The following STK3 variants were observed in gnomAD, a reference collection of about 807,000 sequenced individuals.
The protein encoded by STK3 is serine/threonine kinase 3, also known as serine/threonine-protein kinase 3.
A neutral mutation model predicts 58.0 loss-of-function variants in STK3; 41 were observed. The ratio of observed to expected loss-of-function variants is 0.71; its 90% confidence interval spans 0.55 to 0.92. The LOEUF (loss-of-function observed/expected upper bound fraction) is 0.92. Among genes scored for constraint, STK3 ranks in the 40% least tolerant of loss-of-function variants. The pLI is 0.00. For synonymous variants in STK3, 170 were observed against 191.0 expected (o/e 0.89, Z 0.91); for missense variants, 479 against 602.7 (o/e 0.79, Z 2.15).
chr8:98,497,537 A>G (rs1196165742), intron 10 of STK3, among the ~76,000 whole-genome samples: 3 of 152,204 alleles, frequency 2.0e-5, no homozygotes, highest in African/African-American at 7.2e-5. Flanking sequence ...ATAGTTGCAA[A>G]TAAAATATCT....
chr8:98,797,277 C>T (rs2131607159), intron 1 of STK3, among the ~76,000 whole-genome samples: 2 of 152,254 alleles, frequency 1.3e-5, no homozygotes, highest in Middle Eastern at 6.8e-3. Flanking sequence ...TTCTACTTGC[C>T]CATCAGAAAC....
intron 4 of STK3, among the ~76,000 whole-genome samples, chr8:98,710,873 A>G (rs1826362091): frequency 6.6e-6 from 1 of 152,164 alleles, no homozygotes; most frequent in Non-Finnish European, 1.5e-5. Flanking sequence ...AAGTAGCCTA[A>G]CTGGGAGGCA....
At chr8:98,441,722 C>A (rs1818703377) in intron 1 of STK3, among the ~76,000 whole-genome samples, 1 of 152,212 alleles carries the variant, frequency 6.6e-6, no homozygotes, top group Non-Finnish European at 1.5e-5. Context: ...TGTCTCCCCT[C>A]TTGGCTTCCA....
chr8:98,580,391 C>T (rs1194328912), intron 7 of STK3, among the ~76,000 whole-genome samples: 1 of 152,138 alleles, frequency 6.6e-6, no homozygotes, highest in Non-Finnish European at 1.5e-5. Flanking sequence ...AATAGCTAAG[C>T]TCTCTATCAT....
intron 3 of STK3, among the ~76,000 whole-genome samples, chr8:98,416,625 A>G (rs1229890824): frequency 6.6e-6 from 1 of 152,100 alleles, no homozygotes. Flanking sequence ...TTTCCAAGTC[A>G]CAGAGCTTTC....
intron 6 of STK3, among the ~76,000 whole-genome samples, chr8:98,642,641 C>T (rs1317894235): frequency 6.6e-6 from 1 of 152,078 alleles, no homozygotes; most frequent in Non-Finnish European, 1.5e-5. Flanking sequence ...CTGCCCACTC[C>T]CATAAAGAAT....
chr8:98,889,910 G>T (rs1305145489), intron 1 of STK3: 1 of 152,182 alleles, frequency 6.6e-6, no homozygotes, highest in Non-Finnish European at 1.5e-5. Context: ...AATCTATCAA[G>T]AAAGAAGGCA....
At chr8:98,772,626 G>C (rs1831389241) in intron 2 of STK3, among the ~76,000 whole-genome samples, 1 of 152,112 alleles carries the variant, frequency 6.6e-6, no homozygotes, top group South Asian at 2.1e-4. Flanking sequence ...TTGAACCCGG[G>C]AGAAGGATGC....
At chr8:98,584,203 T>C (rs908714482) in intron 7 of STK3, among the ~76,000 whole-genome samples, 3 of 152,116 alleles carry the variant, frequency 2.0e-5, no homozygotes, top group African/African-American at 7.2e-5. Context: ...ACCCACTAAC[T>C]TGTCATCTAG....
chr8:98,440,567 G>A (rs1318210058), intron 1 of STK3, among the ~76,000 whole-genome samples: 1 of 46,288 alleles, frequency 2.2e-5, no homozygotes, highest in African/African-American at 7.8e-5. Flanking sequence ...ATAAGCACGT[G>A]TGTGTGTGTG....
chr8:98,409,886 G>A (rs1202584691), intron 3 of STK3, among the ~76,000 whole-genome samples: 1 of 152,138 alleles, frequency 6.6e-6, no homozygotes, highest in Non-Finnish European at 1.5e-5. Context: ...ACCCTCGTTG[G>A]TCCCTTCCTC....
chr8:98,819,113 G>A (rs1027872244), intron 1 of STK3, among the ~76,000 whole-genome samples: 3 of 151,996 alleles, frequency 2.0e-5, no homozygotes, highest in Non-Finnish European at 2.9e-5. Context: ...GTGAGCCACC[G>A]TGCCCAGCCC....
intron 3 of STK3, among the ~76,000 whole-genome samples, chr8:98,750,054 C>T (rs1037705920): frequency 1.3e-5 from 2 of 151,990 alleles, no homozygotes; most frequent in South Asian, 4.1e-4. Context: ...AGAAATCTAA[C>T]CTATCTCAAA....
At chr8:98,724,919 A>G (rs1352945895) in intron 4 of STK3, among the ~76,000 whole-genome samples, 13 of 152,188 alleles carry the variant, frequency 8.5e-5, no homozygotes, top group African/African-American at 4.8e-5. Flanking sequence ...CTAAAGAATC[A>G]TATATTGCTT....
rs968206791 is a variant in STK3, at chr8:98,942,068, C to T, written c.-79+310G>A. Among the ~76,000 whole-genome samples, 7 of 152,356 alleles carry T rather than the reference C, an allele frequency of 4.6e-5. No homozygotes were observed. The East Asian group carries it at 1.4e-3, about 29-fold the overall frequency. ...CGTGGCCTTTCTGCGCCGAGGGCTG[C>T]TGGGGGCGGGCGGCGAGCCTGGCGG... On this transcript the variant is annotated intron_variant, in intron 1 of 1. Coordinates refer to the STK3 transcript ENST00000519420.
At chr8:98,411,030 G>T (rs190534002) in intron 3 of STK3, among the ~76,000 whole-genome samples, 119 of 152,264 alleles carry the variant, frequency 7.8e-4, no homozygotes, top group African/African-American at 2.8e-3. Flanking sequence ...TGACCAATTG[G>T]TTTCAACACT....
chr8:98,738,081 T>C (rs951854548), intron 4 of STK3, among the ~76,000 whole-genome samples: 1 of 152,248 alleles, frequency 6.6e-6, no homozygotes, highest in Non-Finnish European at 1.5e-5. Context: ...AGATATTCTA[T>C]GATCATGCAT....
In STK3 at chr8:98,548,099, C is replaced by T. The variant is rs374974168; in HGVS notation, c.1011G>A (p.Met337Ile). ...VKTSVESVGT[M>I]RATSTMSEGA... ...CTTCACTCATCGTGCTTGTGGCCCG[C>T]ATGGTGCCCACACTCTCCACACTAG... Residue 337 changes from methionine (M) to isoleucine (I), a missense_variant, in exon 9 of 11, where the codon ATG (methionine) becomes ATA (isoleucine). Met to Ile is a conservative substitution (Grantham distance 10, BLOSUM62 1). Coordinates refer to ENST00000419617, the MANE Select transcript of STK3 (RefSeq NM_006281.4). 14 of 1,608,570 alleles carry T rather than the reference C, an allele frequency of 8.7e-6. No individual in the cohort carries two copies. Among genetic ancestry groups the T allele is most frequent in the Non-Finnish European group, 1.1e-5 (13 of 1,177,700 alleles).
intron 1 of STK3, among the ~76,000 whole-genome samples, chr8:98,928,694 T>C (rs773978942): frequency 1.3e-5 from 2 of 152,218 alleles, no homozygotes; most frequent in African/African-American, 2.4e-5. Flanking sequence ...TCTTCTCTTC[T>C]TGGCTTTCCA....
Sources: gnomAD v4.1 joint callset for allele counts (sites outside exome capture counted in the v4.1 genomes callset) on GRCh38, gnomAD v4.1.1 for gene constraint, MANE v1.5 for transcripts, NCBI Gene and HGNC (gene_info 2026-07-23, HGNC 2026-07-21) for gene names.